The following BATF variants were observed in gnomAD, a reference collection of about 807,000 sequenced individuals.
The protein encoded by BATF is basic leucine zipper ATF-like transcription factor.
A neutral mutation model predicts 13.7 loss-of-function variants in BATF; 5 were observed. That is an observed-to-expected ratio of 0.36 (90% confidence interval 0.19 to 0.77). The LOEUF is 0.77. BATF is among the 30% of genes least tolerant of loss of function. BATF has a pLI of 0.51. For synonymous variants in BATF, 72 were observed against 67.5 expected, an observed-to-expected ratio of 1.07 and a Z score of -0.33; for missense variants, 124 against 163.0, an observed-to-expected ratio of 0.76 and a Z score of 1.30.
At chr14:75,543,470 C>T (rs1566769747) in intron 2 of BATF, among the ~76,000 whole-genome samples, 1 of 152,182 alleles carries the variant, frequency 6.6e-6, no homozygotes, top group Non-Finnish European at 1.5e-5. Context: ...AGACCCCCCC[C>T]AGGATGTGGG....
chr14:75,542,498 C>T (rs1394684854), intron 2 of BATF, among the ~76,000 whole-genome samples: 2 of 152,252 alleles, frequency 1.3e-5, no homozygotes, highest in East Asian at 3.8e-4. Flanking sequence ...GGATAAACAG[C>T]TGCTCTCATG....
chr14:75,533,644 C>T (rs1887773226), intron 2 of BATF, among the ~76,000 whole-genome samples: 1 of 152,062 alleles, frequency 6.6e-6, no homozygotes, highest in Admixed American at 6.6e-5. Flanking sequence ...TTAGTCTAGT[C>T]CCCTGCTTCC....
intron 2 of BATF, among the ~76,000 whole-genome samples, chr14:75,544,086 G>C (rs985044180): frequency 1.3e-5 from 2 of 152,026 alleles, no homozygotes; most frequent in African/African-American, 4.8e-5. Context: ...ATTGAGCCAG[G>C]CATTAACAAA....
intron 2 of BATF, among the ~76,000 whole-genome samples, chr14:75,541,777 C>T (rs1216077390): frequency 6.6e-6 from 1 of 152,212 alleles, no homozygotes; most frequent in Non-Finnish European, 1.5e-5. Context: ...GATTCTCCTG[C>T]CTCAGCCTCC....
At chr14:75,540,067 A>G (rs1319960757) in intron 2 of BATF, among the ~76,000 whole-genome samples, 2 of 152,176 alleles carry the variant, frequency 1.3e-5, no homozygotes, top group Non-Finnish European at 2.9e-5. Context: ...GAAAATACAC[A>G]GGGACTATTT....
chr14:75,539,461 T>G (rs8006033), intron 2 of BATF, among the ~76,000 whole-genome samples: 105,868 of 124,808 alleles, frequency 0.85, 44,931 homozygotes, highest in South Asian at 0.91. Context: ...TAGCAATTCT[T>G]TTCCCAGTCT....
chr14:75,544,062 A>G (rs1484138091), intron 2 of BATF, among the ~76,000 whole-genome samples: 1 of 152,110 alleles, frequency 6.6e-6, no homozygotes, highest in Non-Finnish European at 1.5e-5. Context: ...CTGAGTTCAT[A>G]CTATGTGCCA....
chr14:75,545,721 C>T (rs997928974), intron 2 of BATF, among the ~76,000 whole-genome samples: 5 of 152,218 alleles, frequency 3.3e-5, no homozygotes, highest in South Asian at 2.1e-4. Context: ...TTTCCTTAGG[C>T]TCTGGCCTGC....
At chr14:75,537,038 C>T (rs186531306) in intron 2 of BATF, among the ~76,000 whole-genome samples, 2 of 150,580 alleles carry the variant, frequency 1.3e-5, no homozygotes, top group Admixed American at 6.6e-5. Context: ...TGAACACACA[C>T]GTTCTTCTTT....
chr14:75,529,839 C>T (rs993612218), intron 2 of BATF, among the ~76,000 whole-genome samples: 2 of 152,010 alleles, frequency 1.3e-5, no homozygotes, highest in Non-Finnish European at 2.9e-5. Flanking sequence ...CCGAGGCGGG[C>T]GGATCACGAG....
In BATF at chr14:75,546,767, C is replaced by T; in HGVS notation, c.*96C>T. ...AGAGGCCCCTGTCCACCTGGAGACC[C>T]GGAGACAGAGGCCTGGACAAGGAGT... is the stretch of plus-strand genomic sequence containing the variant. On this transcript the variant is annotated 3_prime_UTR_variant, in exon 3 of 3. Coordinates refer to ENST00000286639, the MANE Select transcript of BATF (RefSeq NM_006399.5). 7.2e-7 allele frequency: 1 copy of T among 1,390,378 alleles called. No homozygotes were observed. Among genetic ancestry groups the T allele is most frequent in the East Asian group, 2.5e-5 (1 of 39,934 alleles). 86.1% of individuals were successfully genotyped at this position (1,390,378 alleles called of 1,614,324 possible).
chr14:75,546,584 C>T lies in BATF; in HGVS notation c.291C>T (p.Ala97=), dbSNP rs753677042. 4 of 1,613,968 alleles carry T rather than the reference C, an allele frequency of 2.5e-6. No homozygotes were observed. The highest frequency in any genetic ancestry group is 1.7e-5 in the Admixed American group (1 of 60,000). The change falls in exon 3 of 3, where the codon GCC becomes GCT. Residue 97 remains alanine (A), a synonymous_variant. Coordinates refer to ENST00000286639, the MANE Select transcript of BATF (RefSeq NM_006399.5). ...NSHEPLCSVL[A]ASTPSPPEVV... ...ACGAGCCCCTGTGCTCGGTGCTGGC[C>T]GCCAGCACGCCCTCGCCCCCCGAGG... is the stretch of plus-strand genomic sequence containing the variant.
At chr14:75,526,183 C>G (rs142760469) in intron 2 of BATF, among the ~76,000 whole-genome samples, 191 of 152,288 alleles carry the variant, frequency 1.3e-3, no homozygotes, top group Middle Eastern at 6.8e-3. Context: ...CTGGCTGTGC[C>G]CCTTATAAAG....
chr14:75,534,127 A>C (rs1887784525), intron 2 of BATF, among the ~76,000 whole-genome samples: 1 of 152,208 alleles, frequency 6.6e-6, no homozygotes, highest in South Asian at 2.1e-4. Flanking sequence ...AGAGATTTTA[A>C]AGTTGTAATC....
At position 75,546,444 on chromosome 14, in the gene BATF, T is replaced by C. The variant is rs1555373056; in HGVS notation, c.169-18T>C. On this transcript the variant is annotated intron_variant, in intron 2 of 2. Coordinates refer to ENST00000286639, the MANE Select transcript of BATF (RefSeq NM_006399.5). ...CTTCCTAGACACTAACCTCCGGTGC[T>C]GATCCCCACCCCTACAGGAGAGCGA... is the stretch of plus-strand genomic sequence containing the variant. The C allele has an allele frequency of 6.2e-7, 1 of 1,613,704 alleles. No individual in the cohort carries two copies. Among genetic ancestry groups the C allele is most frequent in the Non-Finnish European group, 8.5e-7 (1 of 1,179,682 alleles).
intron 2 of BATF, among the ~76,000 whole-genome samples, chr14:75,526,736 C>T (rs1439984607): frequency 1.3e-5 from 2 of 152,138 alleles, no homozygotes; most frequent in African/African-American, 4.8e-5. Flanking sequence ...TTTGGTGGCC[C>T]TGCTGCTTGT....
chr14:75,543,853 A>G (rs1468508004), intron 2 of BATF, among the ~76,000 whole-genome samples: 8 of 151,880 alleles, frequency 5.3e-5, no homozygotes, highest in African/African-American at 1.9e-4. Flanking sequence ...AAAAAACCAA[A>G]AAACTGCTGG....
At chr14:75,524,752 C>T (rs1462107667) in intron 1 of BATF, among the ~76,000 whole-genome samples, 1 of 150,966 alleles carries the variant, frequency 6.6e-6, no homozygotes, top group African/African-American at 2.4e-5. Context: ...GAGGGTGGAG[C>T]AGCCCTACAG....
At chr14:75,523,387 G>A (rs1595001358) in intron 1 of BATF, among the ~76,000 whole-genome samples, 2 of 152,184 alleles carry the variant, frequency 1.3e-5, no homozygotes, top group South Asian at 2.1e-4. Flanking sequence ...ATAGGAGCAA[G>A]GAAATGAATG....
Sources: allele counts gnomAD v4.1 joint callset (sites outside exome capture counted in the v4.1 genomes callset), GRCh38; gene constraint gnomAD v4.1.1; transcripts MANE v1.5; gene names NCBI Gene and HGNC (gene_info 2026-07-23, HGNC 2026-07-21).